The following DLX6 variants were observed in gnomAD, a reference collection of about 807,000 sequenced individuals.
DLX6 encodes homeobox protein DLX-6.
In DLX6, 4 loss-of-function variants were observed where a neutral mutation model predicts 33.5. The ratio of observed to expected loss-of-function variants is 0.12; its 90% confidence interval spans 0.06 to 0.27. The LOEUF (loss-of-function observed/expected upper bound fraction) is 0.27, where lower values mean the gene tolerates loss of function less well. DLX6 is among the 10% of genes least tolerant of loss of function. The probability of loss-of-function intolerance (pLI) is 1.00; values close to 1 mark genes in which losing one functional copy is unlikely to be tolerated. For missense variants in DLX6, 382 were observed against 393.3 expected (o/e 0.97, Z 0.24); for synonymous variants, 184 against 164.8 (o/e 1.12, Z -0.89).
Position 97,006,086 on chromosome 7 carries a change from C to G in DLX6, c.109C>G (p.Gln37Glu). The G allele has an allele frequency of 6.4e-7, 1 of 1,560,390 alleles. No homozygotes were observed. The highest frequency in any genetic ancestry group is 8.7e-7 in the Non-Finnish European group (1 of 1,153,784). Reference sequence around the variant, plus strand: ...GCAGCAGCAGCAGCAACAGCAGCAGCAGCAGCAGCAGCAACAGCAACAGCC... The same window carrying G: ...GCAGCAGCAGCAGCAACAGCAGCAGGAGCAGCAGCAGCAACAGCAACAGCC... ...QQQQQQQQQQ[Q>E]QQQQQQQPPP... The change falls in exon 1 of 3, where the codon CAG (glutamine) becomes GAG (glutamate). Residue 37 changes from glutamine (Q) to glutamate (E), a missense_variant. Physicochemically the swap from Gln to Glu is conservative, Grantham distance 29. Coordinates refer to ENST00000518156, the MANE Select transcript of DLX6 (RefSeq NM_005222.4).
At chr7:97,006,648 T>A (rs932136795) in intron 1 of DLX6, 1 of 198,956 alleles carries the variant, frequency 5.0e-6, no homozygotes, top group East Asian at 1.5e-4. Flanking sequence ...CAGTTCGGGC[T>A]GAGTCCCGGG....
At position 97,010,118 on chromosome 7, in the gene DLX6, C is replaced by A; in HGVS notation, c.*71C>A. ...AGGATCCGGGACCTGCTTGTATCTG[C>A]GAAAAGGAGCCAAAGGAGCAGGCTT... On this transcript the variant is annotated 3_prime_UTR_variant, in exon 3 of 3. Coordinates refer to ENST00000518156, the MANE Select transcript of DLX6 (RefSeq NM_005222.4). 6.6e-7 allele frequency: 1 copy of A among 1,520,758 alleles called. No individual in the cohort carries two copies. Among genetic ancestry groups the A allele is most frequent in the Non-Finnish European group, 8.9e-7 (1 of 1,128,270 alleles). 94.2% of individuals were successfully genotyped at this position (1,520,758 alleles called of 1,614,324 possible).
rs919692938 is a variant in DLX6 at position 97,007,851 on chromosome 7, A to G, written c.630+20A>G. On this transcript the variant is annotated intron_variant, in intron 2 of 2. Transcript: ENST00000518156. ...ACACAGGTAATTCCCGAGAAGCCCA[A>G]GTATCCCTGAAATGCTGGTACCGCT... is the stretch of plus-strand genomic sequence containing the variant. 1 of 1,559,504 alleles carries G rather than the reference A, an allele frequency of 6.4e-7. No individual in the cohort carries two copies. The highest frequency in any genetic ancestry group is 8.7e-7 in the Non-Finnish European group (1 of 1,153,596).
At chr7:97,006,645 G>A (rs556494965) in intron 1 of DLX6, 38 of 204,260 alleles carry the variant, frequency 1.9e-4, no homozygotes, top group African/African-American at 8.0e-4. Flanking sequence ...GCGCAGTTCG[G>A]GCTGAGTCCC....
chr7:97,006,456 T>A (rs1789734039), intron 1 of DLX6, 43 bp downstream of exon 1: 2 of 1,280,204 alleles, frequency 1.6e-6, no homozygotes, highest in East Asian at 6.3e-5. Context: ...GCCTCCCGAC[T>A]GCCCCCTACC....
Position 97,006,110 on chromosome 7 carries a change from C to CAA in DLX6, c.133_134insAA (p.Pro45GlnfsTer76), listed in dbSNP as rs1364212767. The CAA allele has an allele frequency of 7.2e-5, 89 of 1,238,916 alleles. No individual in the cohort carries two copies. Among genetic ancestry groups the CAA allele is most frequent in the Non-Finnish European group, 9.2e-5 (86 of 930,390 alleles). The allele number at this position is 1,238,916 out of a possible 1,614,324, so 76.7% of individuals were successfully genotyped here. ...GCAGCAGCAGCAGCAACAGCAACAG[C>CAA]CGCCGCCGCCGCCGCCGCCGCCGCC... On this transcript the variant is annotated frameshift_variant, in exon 1 of 3. Coordinates refer to ENST00000518156, the MANE Select transcript of DLX6 (RefSeq NM_005222.4). LOFTEE classifies it high-confidence loss of function.
chr7:97,006,168 T>C lies in DLX6; in HGVS notation c.191T>C (p.Met64Thr). 6.6e-7 allele frequency: 1 copy of C among 1,524,340 alleles called. No homozygotes were observed. The highest frequency in any genetic ancestry group is 8.9e-7 in the Non-Finnish European group (1 of 1,129,018). 94.4% of individuals were successfully genotyped at this position (1,524,340 alleles called of 1,614,324 possible). Residue 64 changes from methionine to threonine, a missense_variant, in exon 1 of 3, where the codon ATG (methionine) becomes ACG (threonine). Physicochemically the swap from Met to Thr is moderately conservative, Grantham distance 81. Transcript: ENST00000518156. ...CACTCGCAGCAGAGCTCCCCGGCCATGGCAGGCGCGCACTACCCTCTGCAC... is the reference window on the plus strand; with the variant it reads ...CACTCGCAGCAGAGCTCCCCGGCCACGGCAGGCGCGCACTACCCTCTGCAC... ...QPHSQQSSPA[M>T]AGAHYPLHCL...
intron 1 of DLX6, chr7:97,006,662 G>C (rs1338371504): frequency 5.4e-6 from 1 of 184,368 alleles, no homozygotes; most frequent in East Asian, 1.6e-4. Context: ...TCCCGGGCCC[G>C]GCGCAGGCTT....
chr7:97,006,294 A>C lies in DLX6; in HGVS notation c.317A>C (p.Asn106Thr), dbSNP rs1443025722. ...TCGCCCTACGCGTCGGGCGGAGGGAACTCCTACAACCACCGCTCGCTCGCC... is the reference window on the plus strand; with the variant it reads ...TCGCCCTACGCGTCGGGCGGAGGGACCTCCTACAACCACCGCTCGCTCGCC... ...HGSPYASGGG[N>T]SYNHRSLAAY... Residue 106 changes from asparagine (N) to threonine (T), a missense_variant, in exon 1 of 3, where the codon AAC becomes ACC. Around this residue, in one of 4 missense-constraint regions of DLX6, gnomAD observed 257 missense variants for 206.9 expected, o/e 1.24. Transcript: ENST00000518156. The C allele has an allele frequency of 6.6e-7, 1 of 1,526,628 alleles. No individual in the cohort carries two copies. Among genetic ancestry groups the C allele is most frequent in the African/African-American group, 1.4e-5 (1 of 70,910 alleles). 94.6% of individuals were successfully genotyped at this position (1,526,628 alleles called of 1,614,324 possible).
In DLX6 at chr7:97,009,452, G is replaced by C. The variant is rs138864889; in HGVS notation, c.631-344G>C. Among the ~76,000 whole-genome samples the C allele has an allele frequency of 8.8e-3, 1,336 of 152,288 alleles. 22 individuals carry two copies. The highest frequency in any genetic ancestry group is 0.03 in the African/African-American group (1,258 of 41,554). ...GAGGTGCATTCAATTGAATGGCTTT[G>C]ATTTGAAAGGGCTGCTTTTAAAAAT... On this transcript the variant is annotated intron_variant, in intron 2 of 2. Coordinates refer to ENST00000518156, the MANE Select transcript of DLX6 (RefSeq NM_005222.4).
At position 97,009,881 on chromosome 7, in the gene DLX6, A is replaced by G. The variant is rs886308619; in HGVS notation, c.716A>G (p.Gln239Arg). 4 of 1,613,982 alleles carry G rather than the reference A, an allele frequency of 2.5e-6. No individual in the cohort carries two copies. Among genetic ancestry groups the G allele is most frequent in the South Asian group, 1.1e-5 (1 of 91,080 alleles). ...GSNPHESDPL[Q>R]GSAALSPRSP... ...AATCCTCATGAGAGCGACCCCCTCC[A>G]GGGCTCGGCGGCCCTGTCGCCACGC... Residue 239 changes from glutamine to arginine, a missense_variant, in exon 3 of 3, where the codon CAG (glutamine) becomes CGG (arginine). Physicochemically the swap from Gln to Arg is conservative, Grantham distance 43 (BLOSUM62 1). This residue lies in a region of DLX6 where 96 missense variants were observed against 93.3 expected (regional missense o/e 1.03). Coordinates refer to ENST00000518156, the MANE Select transcript of DLX6 (RefSeq NM_005222.4).
At chr7:97,009,720 G>A in intron 2 of DLX6, 76 bp from the exon 3 acceptor site, 1 of 1,530,418 alleles carries the variant, frequency 6.5e-7, no homozygotes, top group East Asian at 2.3e-5. Context: ...TTTTAATATT[G>A]CTTCTAAATC....
intron 2 of DLX6, among the ~76,000 whole-genome samples, chr7:97,009,051 A>G (rs545116582): frequency 6.6e-6 from 1 of 152,296 alleles, no homozygotes; most frequent in South Asian, 2.1e-4. Context: ...AAGCCCTTTG[A>G]CTTTTAATTA....
chr7:97,007,267 T>C (rs907000016), intron 1 of DLX6: 2 of 551,640 alleles, frequency 3.6e-6, no homozygotes, highest in African/African-American at 3.8e-5. Context: ...CAAGCACAGC[T>C]TCAGGTACTG....
In DLX6 at chr7:97,006,113, C is replaced by A. The variant is rs1013526388; in HGVS notation, c.136C>A (p.Pro46Thr). Residue 46 changes from proline to threonine, a missense_variant, in exon 1 of 3, where the codon CCG (proline) becomes ACG (threonine). Transcript: ENST00000518156. The stretch of plus-strand genomic sequence containing the variant: ...GCAGCAGCAGCAACAGCAACAGCCG[C>A]CGCCGCCGCCGCCGCCGCCGCCGCA... ...QQQQQQQQQPPPPPPPPPQPH... is the reference protein window; with the variant it reads ...QQQQQQQQQPTPPPPPPPQPH... 1.3e-6 allele frequency: 2 copies of A among 1,498,060 alleles called. No individual in the cohort carries two copies. Among genetic ancestry groups the A allele is most frequent in the South Asian group, 1.2e-5 (1 of 80,888 alleles). 92.8% of individuals were successfully genotyped at this position (1,498,060 alleles called of 1,614,324 possible). A position where few individuals can be genotyped will look rare whatever the true frequency, so the allele number is the denominator to read the frequency against.
chr7:97,005,794 G>T lies in DLX6; in HGVS notation c.-184G>T, dbSNP rs1789694905. 4 of 425,772 alleles carry T rather than the reference G, an allele frequency of 9.4e-6. No individual in the cohort carries two copies. Among genetic ancestry groups the T allele is most frequent in the East Asian group, 3.8e-5 (1 of 25,990 alleles). 26.4% of individuals were successfully genotyped at this position (425,772 alleles called of 1,614,324 possible). The stretch of plus-strand genomic sequence containing the variant: ...TTATATTAAATATATATATATATTA[G>T]AGAAGAGCGAGGGAGAGGGAGAACC... On this transcript the variant is annotated 5_prime_UTR_variant, in exon 1 of 3. Coordinates refer to ENST00000518156, the MANE Select transcript of DLX6 (RefSeq NM_005222.4).
Position 97,009,989 on chromosome 7 carries a change from A to G in DLX6, c.824A>G (p.Tyr275Cys), listed in dbSNP as rs763593085. 8.1e-6 allele frequency: 13 copies of G among 1,611,008 alleles called. No individual in the cohort carries two copies. The highest frequency in any genetic ancestry group is 8.0e-5 in the African/African-American group (6 of 74,830). The change falls in exon 3 of 3, where the codon TAT (tyrosine) becomes TGT (cysteine). Residue 275 changes from tyrosine (Y) to cysteine (C), a missense_variant. Physicochemically the swap from Tyr to Cys is radical, Grantham distance 194. Around this residue, in one of 4 missense-constraint regions of DLX6, gnomAD observed 96 missense variants for 93.3 expected, o/e 1.03. Coordinates refer to ENST00000518156, the MANE Select transcript of DLX6 (RefSeq NM_005222.4). ...CCCCCCAACAGCTACATGCCTGGCTATTCTCACTGGTACTCCTCTCCACAC... is the reference window on the plus strand; with the variant it reads ...CCCCCCAACAGCTACATGCCTGGCTGTTCTCACTGGTACTCCTCTCCACAC... The part of the protein sequence containing the change: ...SMPPNSYMPG[Y>C]SHWYSSPHQD...
rs1376015134 is a variant in DLX6 at position 97,006,260 on chromosome 7, C to T, written c.283C>T (p.His95Tyr). ...SHHHHHHQHH[H>Y]HGSPYASGGG... The stretch of plus-strand genomic sequence containing the variant: ...CCACCACCACCACCACCAGCACCAC[C>T]ACCACGGCTCGCCCTACGCGTCGGG... The change falls in exon 1 of 3, where the codon CAC becomes TAC. Residue 95 changes from histidine to tyrosine, a missense_variant. His to Tyr is a moderately conservative substitution (Grantham distance 83, BLOSUM62 2). Around this residue, in one of 4 missense-constraint regions of DLX6, gnomAD observed 257 missense variants for 206.9 expected, o/e 1.24. Coordinates refer to ENST00000518156, the MANE Select transcript of DLX6 (RefSeq NM_005222.4). 6.5e-7 allele frequency: 1 copy of T among 1,526,820 alleles called. No homozygotes were observed. The highest frequency in any genetic ancestry group is 2.1e-5 in the Admixed American group (1 of 48,662). The allele number at this position is 1,526,820 out of a possible 1,614,324, so 94.6% of individuals were successfully genotyped here.
In DLX6 at chr7:97,006,326, C is replaced by T. The variant is rs778516738; in HGVS notation, c.349C>T (p.Pro117Ser). 7.9e-6 allele frequency: 12 copies of T among 1,518,378 alleles called. No individual in the cohort carries two copies. The East Asian group carries it at 2.7e-4, about 34-fold the overall frequency. The allele number at this position is 1,518,378 out of a possible 1,614,324, so 94.1% of individuals were successfully genotyped here. The change falls in exon 1 of 3, where the codon CCC (proline) becomes TCC (serine). Residue 117 changes from proline to serine, a missense_variant. Coordinates refer to ENST00000518156, the MANE Select transcript of DLX6 (RefSeq NM_005222.4). The part of the protein sequence containing the change: ...SYNHRSLAAY[P>S]YMSHSQHSPY... Reference sequence around the variant, plus strand: ...CAACCACCGCTCGCTCGCCGCCTACCCCTACATGAGCCACTCGCAGCACAG... The same window carrying T: ...CAACCACCGCTCGCTCGCCGCCTACTCCTACATGAGCCACTCGCAGCACAG...
Sources: gnomAD v4.1 joint callset for allele counts (sites outside exome capture counted in the v4.1 genomes callset) on GRCh38, gnomAD v4.1.1 for gene constraint, gnomAD v4.1.1 regional missense constraint, MANE v1.5 for transcripts, NCBI Gene and HGNC (gene_info 2026-07-23, HGNC 2026-07-21) for gene names.